ADGRL3: variants seen among roughly 807,000 people sequenced by gnomAD.
ADGRL3 encodes the protein adhesion G protein-coupled receptor L3, also known as calcium-independent alpha-latrotoxin receptor 3.
Under a neutral mutation model 153.5 loss-of-function variants are expected in ADGRL3, and 62 were observed. The ratio of observed to expected loss-of-function variants is 0.40; its 90% CI spans 0.33 to 0.50. The LOEUF (loss-of-function observed/expected upper bound fraction) is 0.50, where lower values mean the gene tolerates loss of function less well. ADGRL3 is among the 20% of genes least tolerant of loss of function. The pLI, the probability that ADGRL3 is intolerant of heterozygous loss-of-function variation, is 0.47. For missense variants in ADGRL3, 1,641 were observed against 1,859.4 expected, an observed-to-expected ratio of 0.88 and a Z score of 2.16; for synonymous variants, 710 against 672.5, an observed-to-expected ratio of 1.06 and a Z score of -0.86.
chr4:61,869,574 T>C (rs10000786), intron 9 of ADGRL3, among the ~76,000 whole-genome samples: 106,130 of 151,296 alleles, frequency 0.7, 37,763 homozygotes, highest in Middle Eastern at 0.77. Flanking sequence ...GTCCGCAGTC[T>C]GGCCTGGGCG....
chr4:61,833,395 GACTGGAGTTTTATT>G (rs1445131632), intron 9 of ADGRL3, among the ~76,000 whole-genome samples: 2 of 152,194 alleles, frequency 1.3e-5, no homozygotes, highest in African/African-American at 4.8e-5. Flanking sequence ...CTGTGTGGGA[GACTGGAGTTTTATT>G]ACTCAAGTCA....
intron 8 of ADGRL3, among the ~76,000 whole-genome samples, chr4:61,744,526 G>A (rs994258421): frequency 6.6e-6 from 1 of 152,148 alleles, no homozygotes; most frequent in Non-Finnish European, 1.5e-5. Context: ...AATTCCAGAG[G>A]AGCTATCAGG....
At chr4:61,553,542 T>A (rs2098750193) in intron 4 of ADGRL3, among the ~76,000 whole-genome samples, 1 of 152,164 alleles carries the variant, frequency 6.6e-6, no homozygotes, top group Non-Finnish European at 1.5e-5. Context: ...CTCCAAGTTA[T>A]GAGCCATTAT....
chr4:61,390,273 A>G (rs1331263701), intron 2 of ADGRL3, among the ~76,000 whole-genome samples: 3 of 152,122 alleles, frequency 2.0e-5, no homozygotes, highest in Non-Finnish European at 4.4e-5. Context: ...AGCCCAGTCA[A>G]AATCTTGTGT....
chr4:61,206,714 G>C (rs2148775131), intron 1 of ADGRL3, among the ~76,000 whole-genome samples: 1 of 152,224 alleles, frequency 6.6e-6, no homozygotes, highest in South Asian at 2.1e-4. Flanking sequence ...GAGTGCAGTG[G>C]CTTACACCTC....
intron 4 of ADGRL3, among the ~76,000 whole-genome samples, chr4:61,522,957 A>C (rs1426415887): frequency 1.3e-5 from 2 of 152,048 alleles, no homozygotes; most frequent in Non-Finnish European, 2.9e-5. Context: ...GTAGCATTGA[A>C]TCCAAGTGAT....
rs748908076 is a variant in ADGRL3 at position 61,682,556 on chromosome 4, TA to T, written c.583+5628del. Among the ~76,000 whole-genome samples the T allele has an allele frequency of 4.5e-4, 57 of 126,368 alleles. 1 individual carries two copies. Among genetic ancestry groups the T allele is most frequent in the African/African-American group, 1.5e-3 (50 of 34,154 alleles). The allele number at this position is 126,368 out of a possible 152,430, so 82.9% of individuals were successfully genotyped here. On this transcript the variant is annotated intron_variant, in intron 6 of 26. Transcript: ENST00000683033. ...CATAGCTGGAGTTACTTTCTTTCTT[TA>T]AAAAAATTTTTTTTTTTTTTTTTTG... is the stretch of plus-strand genomic sequence containing the variant.
intron 6 of ADGRL3, among the ~76,000 whole-genome samples, chr4:61,715,089 T>A (rs2096079558): frequency 6.6e-6 from 1 of 152,192 alleles, no homozygotes; most frequent in African/African-American, 2.4e-5. Context: ...CCACCTTTTT[T>A]AACATTTAAC....
At chr4:61,396,223 C>T (rs1332007999) in intron 2 of ADGRL3, among the ~76,000 whole-genome samples, 2 of 151,726 alleles carry the variant, frequency 1.3e-5, no homozygotes, top group Non-Finnish European at 2.9e-5. Flanking sequence ...GAACTTTTAA[C>T]AAAGTTTAAA....
At chr4:61,694,184 T>TC in intron 6 of ADGRL3, among the ~76,000 whole-genome samples, 1 of 6,100 alleles carries the variant, frequency 1.6e-4, no homozygotes, top group South Asian at 0.011. Flanking sequence ...TCATTATTTT[T>TC]TTTTTTTTTT....
intron 4 of ADGRL3, among the ~76,000 whole-genome samples, chr4:61,534,067 T>A (rs1288967422): frequency 6.6e-6 from 1 of 152,062 alleles, no homozygotes; most frequent in Non-Finnish European, 1.5e-5. Flanking sequence ...CTCCTAGGGT[T>A]TTTGTTGTTT....
intron 2 of ADGRL3, among the ~76,000 whole-genome samples, chr4:61,402,433 T>C (rs1443575267): frequency 6.6e-6 from 1 of 152,148 alleles, no homozygotes; most frequent in Non-Finnish European, 1.5e-5. Flanking sequence ...GTAGGTTCAA[T>C]AAGTAGCACT....
chr4:62,069,354 A>G (rs546175714), intron 26 of ADGRL3, among the ~76,000 whole-genome samples: 46 of 152,264 alleles, frequency 3.0e-4, no homozygotes, highest in African/African-American at 1.1e-3. Flanking sequence ...CCCTAAAAAA[A>G]TCTCTGATGG....
At chr4:61,743,521 A>G (rs998533572) in intron 8 of ADGRL3, among the ~76,000 whole-genome samples, 4 of 152,152 alleles carry the variant, frequency 2.6e-5, no homozygotes, top group African/African-American at 9.7e-5. Context: ...ATATTTAGAA[A>G]CACACTACTC....
intron 21 of ADGRL3, among the ~76,000 whole-genome samples, chr4:62,009,521 T>C (rs2099174386): frequency 1.3e-5 from 2 of 152,154 alleles, no homozygotes. Flanking sequence ...AATGGTTATA[T>C]ATAGAGAAAA....
chr4:61,358,507 G>A (rs1410455560), intron 1 of ADGRL3, among the ~76,000 whole-genome samples: 2 of 148,490 alleles, frequency 1.3e-5, no homozygotes, highest in African/African-American at 5.0e-5. Context: ...TGAGGCAGGA[G>A]AATGGCGTGA....
At chr4:61,711,283 T>C (rs1483842824) in intron 6 of ADGRL3, among the ~76,000 whole-genome samples, 1 of 151,536 alleles carries the variant, frequency 6.6e-6, no homozygotes, top group Non-Finnish European at 1.5e-5. Context: ...GGAGAATGTA[T>C]CTCACTGCAC....
intron 18 of ADGRL3, among the ~76,000 whole-genome samples, chr4:61,982,090 T>G (rs1394413198): frequency 6.6e-6 from 1 of 152,196 alleles, no homozygotes. Flanking sequence ...TCCAAGAATG[T>G]ATCATTTTAT....
intron 1 of ADGRL3, among the ~76,000 whole-genome samples, chr4:61,223,922 G>C (rs1746762683): frequency 6.6e-6 from 1 of 151,982 alleles, no homozygotes; most frequent in Non-Finnish European, 1.5e-5. Flanking sequence ...CTTTATATTT[G>C]TTAACTGCTT....
Sources: gnomAD v4.1 joint callset for allele counts (sites outside exome capture counted in the v4.1 genomes callset) on GRCh38, gnomAD v4.1.1 for gene constraint, MANE v1.5 for transcripts, NCBI Gene and HGNC (gene_info 2026-07-23, HGNC 2026-07-21) for gene names.